The following HMGCLL1 variants were observed in gnomAD, a reference collection of about 807,000 sequenced individuals.
HMGCLL1 encodes the protein 3-hydroxy-3-methylglutaryl-CoA lyase like 1, also known as 3-hydroxymethyl-3-methylglutaryl-CoA lyase, cytoplasmic.
A neutral mutation model predicts 39.1 loss-of-function variants in HMGCLL1; 36 were observed. That is an observed-to-expected ratio of 0.92 (90% confidence interval 0.71 to 1.22). The LOEUF is 1.22. Among genes scored for constraint, HMGCLL1 ranks in the 50% most tolerant of loss-of-function variants. HMGCLL1 has a pLI of 0.00. For missense variants in HMGCLL1, 451 were observed against 416.5 expected (o/e 1.08, Z -0.72); for synonymous variants, 149 against 144.0 (o/e 1.03, Z -0.25).
At chr6:55,457,662 G>C (rs1000196896) in intron 7 of HMGCLL1, among the ~76,000 whole-genome samples, 1 of 151,568 alleles carries the variant, frequency 6.6e-6, no homozygotes. Flanking sequence ...TTTTTCCTTC[G>C]TTCTCTCTCT....
chr6:55,440,312 G>A (rs927475522), intron 7 of HMGCLL1, among the ~76,000 whole-genome samples: 3 of 152,000 alleles, frequency 2.0e-5, no homozygotes, highest in African/African-American at 7.2e-5. Flanking sequence ...AGGTACAGAG[G>A]GAATAAACAA....
the HMGCLL1 span, among the ~76,000 whole-genome samples, chr6:55,665,860 T>G: frequency 6.6e-6 from 1 of 151,758 alleles, no homozygotes; most frequent in Non-Finnish European, 1.5e-5. Context: ...CGTTTATTTT[T>G]CTGAACTCTA....
At chr6:55,658,602 T>C in the HMGCLL1 span, among the ~76,000 whole-genome samples, 2 of 150,746 alleles carry the variant, frequency 1.3e-5, no homozygotes, top group African/African-American at 4.9e-5. Flanking sequence ...CCAACAACAA[T>C]GACAACAAAA....
chr6:55,542,518 G>A (rs1004513496), intron 1 of HMGCLL1, among the ~76,000 whole-genome samples: 12 of 151,984 alleles, frequency 7.9e-5, no homozygotes, highest in African/African-American at 2.2e-4. Flanking sequence ...AGTGGCTCAC[G>A]CCTGTAATCC....
intron 1 of HMGCLL1, among the ~76,000 whole-genome samples, chr6:55,554,730 G>A (rs1308077551): frequency 1.3e-5 from 2 of 152,060 alleles, no homozygotes; most frequent in Non-Finnish European, 2.9e-5. Context: ...CATGGCCAGG[G>A]AAGGGGTCCT....
chr6:55,671,430 AAAAAT>A, the HMGCLL1 span, among the ~76,000 whole-genome samples: 1 of 151,816 alleles, frequency 6.6e-6, no homozygotes, highest in African/African-American at 2.4e-5. Flanking sequence ...TTTACTCTGA[AAAAAT>A]AAAAAACTAT....
the HMGCLL1 span, among the ~76,000 whole-genome samples, chr6:55,619,359 C>G: frequency 9.3e-3 from 1,408 of 152,058 alleles, 26 homozygotes; most frequent in African/African-American, 0.033. Flanking sequence ...TTTGTTTTTA[C>G]CATAAACTGT....
chr6:55,452,741 C>A (rs1329517354), intron 7 of HMGCLL1, among the ~76,000 whole-genome samples: 1 of 152,048 alleles, frequency 6.6e-6, no homozygotes, highest in Non-Finnish European at 1.5e-5. Context: ...CCTGAGACAC[C>A]CCTGTGTCTT....
intron 7 of HMGCLL1, among the ~76,000 whole-genome samples, chr6:55,491,489 A>G (rs1190945146): frequency 6.6e-6 from 1 of 152,188 alleles, no homozygotes; most frequent in East Asian, 1.9e-4. Context: ...CTTAAGAGAA[A>G]AAAGGGCACA....
At chr6:55,564,695 T>C (rs1449316897) in intron 1 of HMGCLL1, among the ~76,000 whole-genome samples, 1 of 152,130 alleles carries the variant, frequency 6.6e-6, no homozygotes, top group African/African-American at 2.4e-5. Flanking sequence ...TTTGATGACT[T>C]TGAGTCAATG....
In HMGCLL1 at chr6:55,543,586, A is replaced by T. The variant is rs1266525535; in HGVS notation, c.109-1446T>A. 1.0e-4 allele frequency among the ~76,000 whole-genome samples: 7 copies of T among 67,342 alleles called. No homozygotes were observed. The Admixed American group carries it at 1.2e-3, about 12-fold the overall frequency. The allele number at this position is 67,342 out of a possible 152,430, so 44.2% of individuals were successfully genotyped here. The stretch of plus-strand genomic sequence containing the variant: ...TATTTTTATATATATTTATATATTT[A>T]TATATATATATTTTTTTGCCAGCAC... On this transcript the variant is annotated intron_variant, in intron 1 of 8. Transcript: ENST00000274901.
At chr6:55,521,810 A>C (rs939417924) in intron 3 of HMGCLL1, among the ~76,000 whole-genome samples, 9 of 152,050 alleles carry the variant, frequency 5.9e-5, no homozygotes, top group Admixed American at 1.3e-4. Context: ...AGTGAAAGGA[A>C]GACTCACATA....
intron 2 of HMGCLL1, 22 bp from the exon 3 acceptor site, chr6:55,541,858 T>C (rs772889179): frequency 2.5e-5 from 34 of 1,374,340 alleles, no homozygotes; most frequent in Non-Finnish European, 2.4e-5. Flanking sequence ...AAAAATATTT[T>C]ATAAGTAAAT....
chr6:55,589,785 G>C, the HMGCLL1 span, among the ~76,000 whole-genome samples: 1 of 152,118 alleles, frequency 6.6e-6, no homozygotes, highest in Non-Finnish European at 1.5e-5. Flanking sequence ...CAAATCATGA[G>C]TGAACTCCCA....
At chr6:55,439,801 AAAAG>A in intron 7 of HMGCLL1, 1 of 362,006 alleles carries the variant, frequency 2.8e-6, no homozygotes, top group Non-Finnish European at 5.0e-6. Flanking sequence ...ATCTTTGATC[AAAAG>A]TAAAATGGTG....
chr6:55,644,309 A>C, the HMGCLL1 span, among the ~76,000 whole-genome samples: 1 of 151,952 alleles, frequency 6.6e-6, no homozygotes, highest in Non-Finnish European at 1.5e-5. Flanking sequence ...CCCTTGTCAG[A>C]TAGGTAGTTT....
At chr6:55,540,554 C>T (rs1390442251) in intron 3 of HMGCLL1, among the ~76,000 whole-genome samples, 1 of 152,054 alleles carries the variant, frequency 6.6e-6, no homozygotes, top group African/African-American at 2.4e-5. Flanking sequence ...CTGCCAGCAC[C>T]TAAATGTTGG....
At chr6:55,606,081 A>T in the HMGCLL1 span, among the ~76,000 whole-genome samples, 1 of 152,104 alleles carries the variant, frequency 6.6e-6, no homozygotes. Context: ...TCTCCTGTGT[A>T]CTTCTATTAC....
intron 3 of HMGCLL1, among the ~76,000 whole-genome samples, chr6:55,539,420 T>C (rs558201277): frequency 3.3e-4 from 50 of 152,182 alleles, no homozygotes; most frequent in Admixed American, 2.0e-3. Context: ...TTCACAACAG[T>C]AAAGACGTGT....
Sources: gnomAD v4.1 joint callset for allele counts (sites outside exome capture counted in the v4.1 genomes callset) on GRCh38, gnomAD v4.1.1 for gene constraint, MANE v1.5 for transcripts, NCBI Gene and HGNC (gene_info 2026-07-23, HGNC 2026-07-21) for gene names.